The following ENTREP2 variants were observed in gnomAD, a reference collection of about 807,000 sequenced individuals.
ENTREP2 encodes the protein protein ENTREP2.
chr15:29,514,089 A>C, the ENTREP2 span, among the ~76,000 whole-genome samples: 2 of 152,198 alleles, frequency 1.3e-5, no homozygotes, highest in African/African-American at 4.8e-5. Flanking sequence ...GTGGTAAAAA[A>C]CATGTAAGAT....
At chr15:29,444,206 G>GAAAGAAAGAAAGAAAGAAA in the ENTREP2 span, among the ~76,000 whole-genome samples, 6 of 144,530 alleles carry the variant, frequency 4.2e-5, no homozygotes, top group Admixed American at 3.4e-4. Flanking sequence ...AAGAAAGAAA[G>GAAAGAAAGAAAGAAAGAAA]AAAGAAAGAA....
chr15:29,151,733 C>G, the ENTREP2 span: 1 of 1,550,100 alleles, frequency 6.5e-7, no homozygotes, highest in South Asian at 1.2e-5. Context: ...AGGCCACTCA[C>G]CATCTGCAGG....
chr15:29,160,368 T>C, the ENTREP2 span, among the ~76,000 whole-genome samples: 1 of 151,952 alleles, frequency 6.6e-6, no homozygotes, highest in South Asian at 2.1e-4. Context: ...GCCGCCAAAG[T>C]GGGAGCCCAG....
At chr15:29,137,528 C>T in the ENTREP2 span, among the ~76,000 whole-genome samples, 3 of 152,248 alleles carry the variant, frequency 2.0e-5, no homozygotes, top group African/African-American at 4.8e-5. Flanking sequence ...GGCTGCCTGA[C>T]GTGCGTGGTT....
At chr15:29,505,579 G>C in the ENTREP2 span, among the ~76,000 whole-genome samples, 2,061 of 152,328 alleles carry the variant, frequency 0.014, 40 homozygotes, top group African/African-American at 0.047. This position sits in a 1 kb window ranked among gnomAD's most constrained non-coding sequence, Gnocchi z 4.3. Context: ...AATCTTTGCT[G>C]TTCAGCAGCC....
the ENTREP2 span, among the ~76,000 whole-genome samples, chr15:29,639,768 CTTTTT>C: frequency 7.9e-6 from 1 of 127,262 alleles, no homozygotes; most frequent in South Asian, 2.6e-4. Flanking sequence ...TTTTTGTTTG[CTTTTT>C]TTTTTTTTTT....
At chr15:29,420,985 G>A in the ENTREP2 span, among the ~76,000 whole-genome samples, 1 of 152,230 alleles carries the variant, frequency 6.6e-6, no homozygotes, top group Non-Finnish European at 1.5e-5. Context: ...GTCAGAATGA[G>A]GAAGACCTGA....
At chr15:29,664,820 G>T in the ENTREP2 span, among the ~76,000 whole-genome samples, 1 of 152,108 alleles carries the variant, frequency 6.6e-6, no homozygotes, top group Non-Finnish European at 1.5e-5. Flanking sequence ...TGCCTTTTCT[G>T]TTTCTGGGCA....
chr15:29,644,761 C>T, the ENTREP2 span, among the ~76,000 whole-genome samples: 3 of 149,636 alleles, frequency 2.0e-5, no homozygotes, highest in African/African-American at 7.4e-5. Context: ...TGAGATCATG[C>T]CACTGCCCTC....
At chr15:29,632,588 C>T in the ENTREP2 span, among the ~76,000 whole-genome samples, 2 of 152,146 alleles carry the variant, frequency 1.3e-5, no homozygotes, top group Non-Finnish European at 2.9e-5. Flanking sequence ...TCAAGACCAG[C>T]CTGGTCAACA....
the ENTREP2 span, among the ~76,000 whole-genome samples, chr15:29,362,030 A>G: frequency 6.6e-6 from 1 of 152,138 alleles, no homozygotes; most frequent in African/African-American, 2.4e-5. Context: ...ATCACAGGAA[A>G]ATCACTCCAG....
the ENTREP2 span, among the ~76,000 whole-genome samples, chr15:29,589,012 G>GA: frequency 5.3e-5 from 8 of 150,226 alleles, no homozygotes; most frequent in Non-Finnish European, 1.2e-4. Context: ...AAAGAAAAAA[G>GA]AAAAAAAAGG....
chr15:29,278,421 T>C, the ENTREP2 span, among the ~76,000 whole-genome samples: 2 of 152,190 alleles, frequency 1.3e-5, no homozygotes, highest in Non-Finnish European at 2.9e-5. Context: ...TTTCTGAGAA[T>C]AGTCCTCCAA....
the ENTREP2 span, among the ~76,000 whole-genome samples, chr15:29,509,176 T>G: frequency 6.6e-6 from 1 of 152,056 alleles, no homozygotes; most frequent in African/African-American, 2.4e-5. Context: ...ATAAAATACC[T>G]AGGAATACAA....
chr15:29,445,799 A>G, the ENTREP2 span, among the ~76,000 whole-genome samples: 12 of 152,248 alleles, frequency 7.9e-5, no homozygotes, highest in African/African-American at 2.9e-4. Flanking sequence ...TCAGAGGTAC[A>G]GATCACAACC....
chr15:29,315,020 C>T, the ENTREP2 span, among the ~76,000 whole-genome samples: 3 of 152,066 alleles, frequency 2.0e-5, no homozygotes, highest in South Asian at 6.2e-4. Flanking sequence ...CCACTGCACT[C>T]CAGCCTGGTG....
the ENTREP2 span, chr15:29,267,762 G>A: frequency 1.3e-5 from 2 of 152,026 alleles, no homozygotes; most frequent in African/African-American, 4.8e-5. Flanking sequence ...TCCAGACCAA[G>A]GAGAATAAAA....
the ENTREP2 span, chr15:29,137,218 A>G: frequency 1.8e-5 from 27 of 1,461,014 alleles, no homozygotes; most frequent in Non-Finnish European, 2.4e-5. Context: ...ACAACCACAG[A>G]GTTATCTGGG....
the ENTREP2 span, among the ~76,000 whole-genome samples, chr15:29,194,737 ATTACCTT>A: frequency 6.6e-6 from 1 of 152,072 alleles, no homozygotes; most frequent in African/African-American, 2.4e-5. Context: ...TTTCACCAGC[ATTACCTT>A]TCAAGCCACA....
Sources: gnomAD v4.1 joint callset for allele counts (sites outside exome capture counted in the v4.1 genomes callset) on GRCh38, gnomAD v4.1.1 for gene constraint, Gnocchi (gnomAD v3.1) non-coding constraint, MANE v1.5 for transcripts, NCBI Gene and HGNC (gene_info 2026-07-23, HGNC 2026-07-21) for gene names.